The following CCDC171 variants were observed in gnomAD, a reference collection of about 807,000 sequenced individuals.
The protein encoded by CCDC171 is coiled-coil domain-containing protein 171.
Under a neutral mutation model 168.2 loss-of-function variants are expected in CCDC171, and 177 were observed. The observed-to-expected ratio is 1.05, with a 90% CI of 0.93 to 1.19. The LOEUF is 1.19. CCDC171 is among the 50% of genes most tolerant of loss of function. The pLI, the probability that CCDC171 is intolerant of heterozygous loss-of-function variation, is 0.00. For missense variants in CCDC171, 1,991 were observed against 1,539.0 expected (o/e 1.29, Z -4.91); for synonymous variants, 687 against 540.8 (o/e 1.27, Z -3.75).
At chr9:15,900,688 A>G (rs960943591) in intron 24 of CCDC171, among the ~76,000 whole-genome samples, 2 of 152,160 alleles carry the variant, frequency 1.3e-5, no homozygotes, top group Non-Finnish European at 2.9e-5. Flanking sequence ...GTAGATGTAG[A>G]TTTTGATTAT....
intron 10 of CCDC171, among the ~76,000 whole-genome samples, chr9:15,682,406 GTCTTTTGGGGGTATT>G (rs2050101041): frequency 6.6e-6 from 1 of 151,858 alleles, no homozygotes; most frequent in African/African-American, 2.4e-5. Flanking sequence ...TGAGTATGTT[GTCTTTTGGGGGTATT>G]TAATAAATAT....
At chr9:15,896,928 T>C (rs917875786) in intron 24 of CCDC171, among the ~76,000 whole-genome samples, 7 of 152,038 alleles carry the variant, frequency 4.6e-5, no homozygotes, top group Admixed American at 4.6e-4. Context: ...TTCACTAAAA[T>C]CCTAGTTTTT....
intron 6 of CCDC171, among the ~76,000 whole-genome samples, chr9:16,025,998 G>A (rs567867870): frequency 6.6e-6 from 1 of 152,164 alleles, no homozygotes; most frequent in Non-Finnish European, 1.5e-5. Context: ...AGGCAAAGTG[G>A]GATGAGTTGG....
intron 3 of CCDC171, among the ~76,000 whole-genome samples, chr9:15,987,731 G>C (rs1832039947): frequency 6.6e-6 from 1 of 151,544 alleles, no homozygotes; most frequent in Non-Finnish European, 1.5e-5. Context: ...AAAGTGCTGG[G>C]GATGAGAAGT....
rs1231604382 is a variant in CCDC171, at chr9:15,777,706, C to T, written c.2778C>T (p.His926=). ...ISLVMECIPL[H]SSRSITYVEK... ...TGGTAATGGAATGTATACCTCTGCA[C>T]AGTAGCAGGAGTATTACATATGTAG... Residue 926 remains histidine (H), a synonymous_variant, in exon 19 of 26, where the codon CAC becomes CAT. Transcript: ENST00000380701. The T allele has an allele frequency of 4.3e-6, 7 of 1,613,634 alleles. No individual in the cohort carries two copies. The highest frequency in any genetic ancestry group is 5.9e-6 in the Non-Finnish European group (7 of 1,179,670).
At chr9:15,590,000 G>C (rs778144357) in intron 4 of CCDC171, among the ~76,000 whole-genome samples, 1 of 152,164 alleles carries the variant, frequency 6.6e-6, no homozygotes, top group Non-Finnish European at 1.5e-5. Flanking sequence ...AATATTTACC[G>C]TTATGGAAAG....
the CCDC171 span, among the ~76,000 whole-genome samples, chr9:16,078,234 A>T: frequency 6.6e-6 from 1 of 152,172 alleles, no homozygotes; most frequent in Non-Finnish European, 1.5e-5. Flanking sequence ...GGGGAAAAAA[A>T]TGACCAATCC....
rs899913915 is a variant in CCDC171 at position 15,847,325 on chromosome 9, A to G, written c.3413+478A>G. Among the ~76,000 whole-genome samples the G allele has an allele frequency of 5.3e-5, 8 of 152,076 alleles. No homozygotes were observed. In the South Asian group the frequency reaches 1.2e-3, roughly 24 times the overall value. On this transcript the variant is annotated intron_variant, in intron 22 of 25. Transcript: ENST00000380701. ...TAGCATTTAAAAAATACAATAAAAC[A>G]TATTGACCATGGAAAACTCATTTAA...
chr9:15,752,560 G>A (rs1428460210), intron 18 of CCDC171, among the ~76,000 whole-genome samples: 2 of 152,152 alleles, frequency 1.3e-5, no homozygotes, highest in East Asian at 3.8e-4. Flanking sequence ...ATACTATGCA[G>A]CCACAAAAAG....
intron 8 of CCDC171, among the ~76,000 whole-genome samples, chr9:15,664,575 C>CACACACACACACACACACAT (rs1320956849): frequency 6.2e-4 from 94 of 151,772 alleles, no homozygotes; most frequent in Non-Finnish European, 2.9e-4. Flanking sequence ...TATACACACA[C>CACACACACACACACACACAT]ACACACACAC....
chr9:15,678,411 C>G (rs1174390840), intron 9 of CCDC171, among the ~76,000 whole-genome samples: 1 of 152,044 alleles, frequency 6.6e-6, no homozygotes, highest in African/African-American at 2.4e-5. Flanking sequence ...TTGTTTGGTA[C>G]TACTGTTTTC....
upstream of CCDC171, among the ~76,000 whole-genome samples, chr9:16,041,532 G>C (rs1014437742): frequency 1.3e-5 from 2 of 152,098 alleles, no homozygotes; most frequent in Non-Finnish European, 2.9e-5. Flanking sequence ...TACTTATTTT[G>C]ATCTGAACCA....
At chr9:15,577,027 T>A (rs1337897403) in intron 3 of CCDC171, among the ~76,000 whole-genome samples, 1 of 152,170 alleles carries the variant, frequency 6.6e-6, no homozygotes, top group Admixed American at 6.6e-5. Flanking sequence ...GAGTTCATAG[T>A]TTTTAGGTTT....
chr9:15,626,925 G>C (rs542366274), intron 7 of CCDC171, among the ~76,000 whole-genome samples: 1 of 152,258 alleles, frequency 6.6e-6, no homozygotes, highest in East Asian at 1.9e-4. Flanking sequence ...GGTAGAATTT[G>C]GTTGTGAATC....
At chr9:15,714,664 A>AT (rs1039305582) in intron 11 of CCDC171, among the ~76,000 whole-genome samples, 2 of 152,096 alleles carry the variant, frequency 1.3e-5, no homozygotes, top group Non-Finnish European at 2.9e-5. Flanking sequence ...GATTTACGGT[A>AT]TTTTTTGGCA....
the CCDC171 span, among the ~76,000 whole-genome samples, chr9:16,105,762 G>C: frequency 2.0e-5 from 3 of 152,174 alleles, no homozygotes; most frequent in African/African-American, 7.2e-5. Context: ...TTGGCCAGTT[G>C]CTAACCAACA....
chr9:15,904,325 C>G (rs945918496), intron 24 of CCDC171, among the ~76,000 whole-genome samples: 2 of 152,178 alleles, frequency 1.3e-5, no homozygotes, highest in Non-Finnish European at 2.9e-5. Context: ...AACAGTGGAT[C>G]TCTCGGCAGA....
At chr9:15,594,826 C>G (rs774230706) in intron 6 of CCDC171, among the ~76,000 whole-genome samples, 12 of 152,112 alleles carry the variant, frequency 7.9e-5, no homozygotes, top group Non-Finnish European at 1.3e-4. Flanking sequence ...AGGAGAAACT[C>G]AAACTAGTGT....
In CCDC171 at chr9:15,564,043, T is replaced by C. The variant is rs756204025; in HGVS notation, c.-46T>C. ...AATTTTAATCATCAAGAAAGAAATA[T>C]GTCATTAAGAAATAGCAGGGTATTT... is the stretch of plus-strand genomic sequence containing the variant. On this transcript the variant is annotated 5_prime_UTR_variant, in exon 2 of 26. An upstream start codon of the reference 5' UTR is lost. Transcript: ENST00000380701. 2 of 1,462,810 alleles carry C rather than the reference T, an allele frequency of 1.4e-6. No individual in the cohort carries two copies. The highest frequency in any genetic ancestry group is 1.8e-5 in the Admixed American group (1 of 54,972). 90.6% of individuals were successfully genotyped at this position (1,462,810 alleles called of 1,614,324 possible).
Sources: gnomAD v4.1 joint callset for allele counts (sites outside exome capture counted in the v4.1 genomes callset) on GRCh38, gnomAD v4.1.1 for gene constraint, MANE v1.5 for transcripts, NCBI Gene and HGNC (gene_info 2026-07-23, HGNC 2026-07-21) for gene names.